The following NCALD variants were observed in gnomAD, a reference collection of about 807,000 sequenced individuals.
The protein encoded by NCALD is neurocalcin-delta.
NCALD carries 10 observed loss-of-function variants against 18.6 expected under a neutral mutation model. The ratio of observed to expected loss-of-function variants is 0.54; its 90% CI spans 0.33 to 0.91. The LOEUF (loss-of-function observed/expected upper bound fraction) is 0.91, where lower values mean the gene tolerates loss of function less well. Ranked by LOEUF, NCALD falls within the 40% of genes least tolerant of loss-of-function variation. NCALD has a pLI of 0.03. For synonymous variants in NCALD, 88 were observed against 87.4 expected, an observed-to-expected ratio of 1.01 and a Z score of -0.04; for missense variants, 184 against 247.6, an observed-to-expected ratio of 0.74 and a Z score of 1.72.
intron 1 of NCALD, among the ~76,000 whole-genome samples, chr8:102,042,313 G>C (rs1326187629): frequency 2.0e-5 from 3 of 151,930 alleles, no homozygotes; most frequent in Non-Finnish European, 4.4e-5. Flanking sequence ...GGATTTCTTT[G>C]GAGAGAGCTG....
At chr8:101,989,333 A>G (rs970448894) in intron 2 of NCALD, among the ~76,000 whole-genome samples, 4 of 152,240 alleles carry the variant, frequency 2.6e-5, no homozygotes, top group Middle Eastern at 3.2e-3. Flanking sequence ...ATGTGTATCC[A>G]GAGCCACAAA....
chr8:101,947,061 A>C (rs1416180079), intron 2 of NCALD, among the ~76,000 whole-genome samples: 2 of 152,188 alleles, frequency 1.3e-5, no homozygotes, highest in Admixed American at 6.5e-5. Context: ...AAGATCTTGA[A>C]GCATTTCCTC....
chr8:101,749,429 AC>A (rs547793125), intron 1 of NCALD, among the ~76,000 whole-genome samples: 27 of 152,242 alleles, frequency 1.8e-4, no homozygotes, highest in African/African-American at 5.3e-4. Flanking sequence ...GGCCTCTGGA[AC>A]CCAGTCTGAC....
intron 1 of NCALD, among the ~76,000 whole-genome samples, chr8:101,781,483 G>A (rs752246241): frequency 6.6e-6 from 1 of 152,114 alleles, no homozygotes; most frequent in African/African-American, 2.4e-5. Context: ...AAGGCCTCTC[G>A]ACACAAAAAC....
intron 4 of NCALD, among the ~76,000 whole-genome samples, chr8:101,803,376 C>T (rs1322910777): frequency 6.6e-6 from 1 of 152,146 alleles, no homozygotes; most frequent in East Asian, 1.9e-4. Context: ...ATTGACAATG[C>T]ACCTGGTCAC....
At chr8:102,074,792 T>C (rs1824288720) in intron 1 of NCALD, among the ~76,000 whole-genome samples, 1 of 152,190 alleles carries the variant, frequency 6.6e-6, no homozygotes, top group Non-Finnish European at 1.5e-5. Context: ...GTAAAATATA[T>C]GCAATAAACT....
chr8:101,929,902 C>G (rs1046434095), intron 2 of NCALD, among the ~76,000 whole-genome samples: 4 of 151,902 alleles, frequency 2.6e-5, no homozygotes, highest in African/African-American at 7.3e-5. Context: ...AAAAATACAA[C>G]CACATCGCCC....
intron 2 of NCALD, among the ~76,000 whole-genome samples, chr8:101,696,211 T>G (rs923289674): frequency 6.6e-6 from 1 of 152,220 alleles, no homozygotes; most frequent in Non-Finnish European, 1.5e-5. Context: ...CACTCAGTCA[T>G]TCATCAAATA....
intron 3 of NCALD, among the ~76,000 whole-genome samples, chr8:101,910,988 G>A (rs1340779696): frequency 6.6e-6 from 1 of 152,084 alleles, no homozygotes; most frequent in Non-Finnish European, 1.5e-5. Context: ...TCACAAACAG[G>A]AAAGGTTACT....
At chr8:101,823,434 A>G (rs1251168911) in intron 4 of NCALD, among the ~76,000 whole-genome samples, 2 of 152,246 alleles carry the variant, frequency 1.3e-5, no homozygotes, top group Admixed American at 6.5e-5. Context: ...AAGGGCTCCC[A>G]TTGGTGAACT....
intron 4 of NCALD, among the ~76,000 whole-genome samples, chr8:101,845,863 T>A (rs1814847822): frequency 6.6e-6 from 1 of 152,202 alleles, no homozygotes; most frequent in Non-Finnish European, 1.5e-5. Flanking sequence ...CTGGTAACTA[T>A]CAGCCATTCC....
chr8:101,819,658 C>A (rs923758580), intron 4 of NCALD, among the ~76,000 whole-genome samples: 6 of 152,230 alleles, frequency 3.9e-5, no homozygotes, highest in African/African-American at 1.4e-4. Context: ...TTTTGACACT[C>A]ATCCCTCATA....
At chr8:101,864,285 G>A (rs987997650) in intron 4 of NCALD, among the ~76,000 whole-genome samples, 1 of 152,072 alleles carries the variant, frequency 6.6e-6, no homozygotes, top group Non-Finnish European at 1.5e-5. Context: ...GTGTCTACTC[G>A]ACACACAAGG....
At chr8:101,920,910 G>A (rs1463881148) in intron 2 of NCALD, among the ~76,000 whole-genome samples, 1 of 152,146 alleles carries the variant, frequency 6.6e-6, no homozygotes, top group Admixed American at 6.6e-5. Flanking sequence ...AACTGACGCA[G>A]TCCATGTAAT....
chr8:101,690,974 T>C (rs1466943480), intron 3 of NCALD: 1 of 985,238 alleles, frequency 1.0e-6, no homozygotes, highest in Non-Finnish European at 1.2e-6. Context: ...TGATTCAGAG[T>C]TGGCTCCTAG....
intron 1 of NCALD, 25 bp downstream of exon 1, chr8:101,790,837 A>G (rs1812415983): frequency 6.6e-6 from 1 of 152,224 alleles, no homozygotes. Flanking sequence ...ACATCTAACT[A>G]TTGTATATAA....
intron 2 of NCALD, among the ~76,000 whole-genome samples, chr8:101,953,461 G>A (rs957361512): frequency 1.3e-5 from 2 of 152,190 alleles, no homozygotes; most frequent in Non-Finnish European, 2.9e-5. Flanking sequence ...AATCTACCTT[G>A]CACTAAATGG....
At chr8:101,855,235 C>T (rs955691356) in intron 4 of NCALD, among the ~76,000 whole-genome samples, 1 of 152,106 alleles carries the variant, frequency 6.6e-6, no homozygotes, top group African/African-American at 2.4e-5. Flanking sequence ...GGATAATACC[C>T]CATCCCCTTG....
chr8:101,785,382 A>T (rs1812183947), intron 1 of NCALD, among the ~76,000 whole-genome samples: 1 of 152,168 alleles, frequency 6.6e-6, no homozygotes, highest in Admixed American at 6.5e-5. Context: ...TGACTCAAAA[A>T]TCCAAGAGGG....
Sources: allele counts gnomAD v4.1 joint callset (sites outside exome capture counted in the v4.1 genomes callset), GRCh38; gene constraint gnomAD v4.1.1; transcripts MANE v1.5; gene names NCBI Gene and HGNC (gene_info 2026-07-23, HGNC 2026-07-21).